The following ASPHD1 variants were observed in gnomAD, a reference collection of about 807,000 sequenced individuals.
The protein encoded by ASPHD1 is aspartate beta-hydroxylase domain containing 1.
In ASPHD1, 20 loss-of-function variants were observed where a neutral mutation model predicts 28.3. The ratio of observed to expected loss-of-function variants is 0.71; its 90% CI spans 0.50 to 1.03. ASPHD1 has a LOEUF of 1.03. ASPHD1 is among the 50% of genes least tolerant of loss of function. The pLI, the probability that ASPHD1 is intolerant of heterozygous loss-of-function variation, is 0.00. For synonymous variants in ASPHD1, 240 were observed against 221.2 expected, an observed-to-expected ratio of 1.08 and a Z score of -0.75; for missense variants, 479 against 524.1, an observed-to-expected ratio of 0.91 and a Z score of 0.84.
At position 29,900,924 on chromosome 16, in the gene ASPHD1, G is replaced by GAAGGAGAGAGAAAGGGGAGAGA. The variant is rs1276439011; in HGVS notation, c.-37_-16dup. 1.3e-6 allele frequency: 2 copies of GAAGGAGAGAGAAAGGGGAGAGA among 1,509,650 alleles called. No homozygotes were observed. The highest frequency in any genetic ancestry group is 1.8e-6 in the Non-Finnish European group (2 of 1,111,660). The allele number at this position is 1,509,650 out of a possible 1,614,324, so 93.5% of individuals were successfully genotyped here. Reference sequence around the variant, plus strand: ...AGAGGGAGAGGAGGAAGAAGAGGTAGAAGGAGAGAGAAAGGGGAGAGAAAG... The same window carrying GAAGGAGAGAGAAAGGGGAGAGA: ...AGAGGGAGAGGAGGAAGAAGAGGTAGAAGGAGAGAGAAAGGGGAGAGAAAGGAGAGAGAAAGGGGAGAGAAAG... On this transcript the variant is annotated 5_prime_UTR_variant, in exon 1 of 3. Transcript: ENST00000308748.
chr16:29,906,816 G>A, downstream of ASPHD1: 1 of 1,494,914 alleles, frequency 6.7e-7, no homozygotes, highest in Non-Finnish European at 9.3e-7. Context: ...GAAGGGGAGG[G>A]AAAGAGAGAG....
At position 29,900,759 on chromosome 16, in the gene ASPHD1, G is replaced by A. The variant is rs1177345759; in HGVS notation, c.-213G>A. 1 of 601,326 alleles carries A rather than the reference G, an allele frequency of 1.7e-6. No individual in the cohort carries two copies. The highest frequency in any genetic ancestry group is 2.0e-5 in the South Asian group (1 of 48,954). 37.2% of individuals were successfully genotyped at this position (601,326 alleles called of 1,614,324 possible). A position where few individuals can be genotyped will look rare whatever the true frequency, so the allele number is the denominator to read the frequency against. ...CAGGCAGGGTAGGAACCGCTGCCCA[G>A]GGGAGCTAGGAGGAAGCGGGGAGAG... On this transcript the variant is annotated 5_prime_UTR_variant, in exon 1 of 3. Coordinates refer to ENST00000308748, the MANE Select transcript of ASPHD1 (RefSeq NM_181718.4).
chr16:29,900,595 A>C lies in ASPHD1; in HGVS notation c.-377A>C. 1.1e-5 allele frequency: 3 copies of C among 270,588 alleles called. No individual in the cohort carries two copies. Among genetic ancestry groups the C allele is most frequent in the Non-Finnish European group, 1.4e-5 (2 of 144,456 alleles). 16.8% of individuals were successfully genotyped at this position (270,588 alleles called of 1,614,324 possible). A position where few individuals can be genotyped will look rare whatever the true frequency, so the allele number is the denominator to read the frequency against. On this transcript the variant is annotated 5_prime_UTR_variant, in exon 1 of 3. Transcript: ENST00000308748. The stretch of plus-strand genomic sequence containing the variant: ...AGTGGGAGCCCAGGAAGGAGCGAGT[A>C]GGAGAGAGGGAGCGAGAGCCAGGCA...
intron 3 of ASPHD1, among the ~76,000 whole-genome samples, chr16:29,917,379 G>C (rs1202453399): frequency 2.0e-5 from 3 of 152,146 alleles, no homozygotes; most frequent in African/African-American, 7.2e-5. Flanking sequence ...AGGTATAGCG[G>C]ATCACACCTG....
rs115298578 is a variant in ASPHD1 at position 29,911,806 on chromosome 16, G to A, written c.*62+5847G>A. On this transcript the variant is annotated intron_variant and NMD_transcript_variant, in intron 3 of 3. Coordinates refer to the ASPHD1 transcript ENST00000414952. ...GGTCCCGCCCAGTGCCCCGCACCCC[G>A]GCGGTCACCTGGTGTAGGAGTACTT... 2.4e-4 allele frequency: 394 copies of A among 1,612,326 alleles called. 1 individual carries two copies. In the African/African-American group the frequency reaches 4.4e-3, roughly 18 times the overall value.
In ASPHD1 at chr16:29,900,790, G is replaced by C. The variant is rs914246262; in HGVS notation, c.-182G>C. 69 of 631,062 alleles carry C rather than the reference G, an allele frequency of 1.1e-4. 1 individual carries two copies. Among genetic ancestry groups the C allele is most frequent in the Non-Finnish European group, 1.6e-4 (60 of 365,646 alleles). The allele number at this position is 631,062 out of a possible 1,614,324, so 39.1% of individuals were successfully genotyped here. ...CTAGGAGGAAGCGGGGAGAGAGAGC[G>C]AGCGAAAAGCGGGGGTGGGGAGGAA... is the stretch of plus-strand genomic sequence containing the variant. On this transcript the variant is annotated 5_prime_UTR_variant, in exon 1 of 3. Coordinates refer to ENST00000308748, the MANE Select transcript of ASPHD1 (RefSeq NM_181718.4).
downstream of ASPHD1, chr16:29,906,137 T>G (rs1397561424): frequency 6.1e-6 from 2 of 330,096 alleles, no homozygotes; most frequent in East Asian, 1.1e-4. Flanking sequence ...GGTACCTCCT[T>G]TTTTTTCTTT....
At chr16:29,906,082 G>C (rs1193075946), downstream of ASPHD1, 1 of 491,674 alleles carries the variant, frequency 2.0e-6, no homozygotes. Context: ...TTCGCAGGGA[G>C]AGGCTGGGGC....
chr16:29,901,962 A>G lies in ASPHD1; in HGVS notation c.949+42A>G. 7.1e-7 allele frequency: 1 copy of G among 1,403,792 alleles called. No homozygotes were observed. Among genetic ancestry groups the G allele is most frequent in the Non-Finnish European group, 9.3e-7 (1 of 1,071,772 alleles). 87.0% of individuals were successfully genotyped at this position (1,403,792 alleles called of 1,614,324 possible). Reference sequence around the variant, plus strand: ...TACTGACAACCTCCTTGCCTCGATGATTTCCCCCCCAGACCCTTCTCTCCG... The same window carrying G: ...TACTGACAACCTCCTTGCCTCGATGGTTTCCCCCCCAGACCCTTCTCTCCG... On this transcript the variant is annotated intron_variant, in intron 1 of 2. Coordinates refer to ENST00000308748, the MANE Select transcript of ASPHD1 (RefSeq NM_181718.4). This position sits in a 1 kb window ranked among gnomAD's most constrained non-coding sequence, Gnocchi z 5.1.
downstream of ASPHD1, among the ~76,000 whole-genome samples, chr16:29,907,345 C>G (rs2068631326): frequency 6.6e-6 from 1 of 152,192 alleles, no homozygotes; most frequent in Non-Finnish European, 1.5e-5. Context: ...TGCCTAGCCT[C>G]TTGGTATATT....
At chr16:29,905,226 T>C in intron 2 of ASPHD1, 1 of 373,862 alleles carries the variant, frequency 2.7e-6, no homozygotes, top group East Asian at 6.7e-5. Flanking sequence ...GTTCCTGTCC[T>C]ACCTCTTGCA....
intron 3 of ASPHD1, chr16:29,911,877 G>GA: frequency 6.2e-7 from 1 of 1,612,350 alleles, no homozygotes; most frequent in Non-Finnish European, 8.5e-7. Flanking sequence ...GCTGGCGGGG[G>GA]AGAGAGGATG....
At position 29,901,064 on chromosome 16, in the gene ASPHD1, A is replaced by G. The variant is rs1320197326; in HGVS notation, c.93A>G (p.Pro31=). ...GTGGAATGTGGAAGGGAAACAGTCC[A>G]GCGGGGAGCCAGGGGGCAGCCATGG... ...AQSGMWKGNS[P]AGSQGAAMEG... is the part of the protein sequence containing the mutation. Residue 31 remains proline, a synonymous_variant, in exon 1 of 3, where the codon CCA becomes CCG. Transcript: ENST00000308748. The surrounding 1 kb of genome is among the most constrained non-coding windows in gnomAD (Gnocchi z 5.1). 1.2e-6 allele frequency: 2 copies of G among 1,607,954 alleles called. No homozygotes were observed. The highest frequency in any genetic ancestry group is 1.7e-5 in the Admixed American group (1 of 58,930).
chr16:29,911,509 A>G (rs1248147306), intron 3 of ASPHD1: 3 of 567,650 alleles, frequency 5.3e-6, no homozygotes, highest in South Asian at 4.5e-5. Flanking sequence ...CATCTGTAAA[A>G]TGGAGCTCAC....
chr16:29,905,776 C>T lies in ASPHD1; in HGVS notation c.1064-12C>T. On this transcript the variant is annotated splice_polypyrimidine_tract_variant and intron_variant, in intron 2 of 2. Transcript: ENST00000308748. ...GTCAGTGGCTCTGCTGTTCCTGTCC[C>T]ATGTGCCCTAGGCTCCCCCGAAGAT... 1 of 1,608,366 alleles carries T rather than the reference C, an allele frequency of 6.2e-7. No homozygotes were observed. Among genetic ancestry groups the T allele is most frequent in the East Asian group, 2.2e-5 (1 of 44,818 alleles).
intron 3 of ASPHD1, chr16:29,911,117 C>T (rs770260724): frequency 9.3e-6 from 15 of 1,614,160 alleles, no homozygotes; most frequent in Admixed American, 1.7e-5. Flanking sequence ...CCCGTGGAAG[C>T]GCAGGGCCAG....
chr16:29,902,683 T>TA (rs1436044379), intron 1 of ASPHD1, among the ~76,000 whole-genome samples: 1 of 151,250 alleles, frequency 6.6e-6, no homozygotes, highest in Non-Finnish European at 1.5e-5. Context: ...AATTTTTTTT[T>TA]ATTTTGTATT....
intron 1 of ASPHD1, among the ~76,000 whole-genome samples, chr16:29,902,565 T>C (rs999003981): frequency 4.6e-5 from 7 of 152,260 alleles, no homozygotes; most frequent in African/African-American, 1.7e-4. Context: ...GAGAGTGCAG[T>C]GGCACGATCT....
Position 29,900,667 on chromosome 16 carries a change from A to C in ASPHD1, c.-305A>C, listed in dbSNP as rs2068527717. The C allele has an allele frequency of 4.1e-6, 2 of 487,678 alleles. No individual in the cohort carries two copies. The highest frequency in any genetic ancestry group is 7.2e-5 in the Admixed American group (2 of 27,632). 30.2% of individuals were successfully genotyped at this position (487,678 alleles called of 1,614,324 possible). ...TGAGGAGCGAGGGCAAGGAGAGAGCAGTGAGGCCGGAGAGAAAGAAGCTGC... is the reference window on the plus strand; with the variant it reads ...TGAGGAGCGAGGGCAAGGAGAGAGCCGTGAGGCCGGAGAGAAAGAAGCTGC... On this transcript the variant is annotated 5_prime_UTR_variant, in exon 1 of 3. Coordinates refer to ENST00000308748, the MANE Select transcript of ASPHD1 (RefSeq NM_181718.4).
Sources: gnomAD v4.1 joint callset for allele counts (sites outside exome capture counted in the v4.1 genomes callset) on GRCh38, gnomAD v4.1.1 for gene constraint, Gnocchi (gnomAD v3.1) non-coding constraint, MANE v1.5 for transcripts, NCBI Gene and HGNC (gene_info 2026-07-23, HGNC 2026-07-21) for gene names.